The following FOXP1 variants were observed in gnomAD, a reference collection of about 807,000 sequenced individuals.
The protein encoded by FOXP1 is forkhead box protein P1.
FOXP1 carries 15 observed loss-of-function variants against 98.2 expected under a neutral mutation model. That is an observed-to-expected ratio of 0.15 (90% confidence interval 0.10 to 0.24). The LOEUF (loss-of-function observed/expected upper bound fraction) is 0.24. FOXP1 is among the 10% of genes least tolerant of loss of function. The probability of loss-of-function intolerance (pLI) is 1.00; values close to 1 mark genes in which losing one functional copy is unlikely to be tolerated. For synonymous variants in FOXP1, 371 were observed against 314.5 expected (o/e 1.18, Z -1.90); for missense variants, 633 against 848.5 (o/e 0.75, Z 3.15).
intron 7 of FOXP1, among the ~76,000 whole-genome samples, chr3:71,106,049 G>C (rs1398845664): frequency 6.6e-6 from 1 of 152,132 alleles, no homozygotes; most frequent in Non-Finnish European, 1.5e-5. Flanking sequence ...TAAAAAACCT[G>C]GCTTCCCATC....
At chr3:71,041,264 C>G (rs1365964935) in intron 11 of FOXP1, 64 bp downstream of exon 11, 1 of 1,341,964 alleles carries the variant, frequency 7.5e-7, no homozygotes, top group East Asian at 2.3e-5. Context: ...TATGACGAGG[C>G]AGGGCCACCC....
intron 6 of FOXP1, among the ~76,000 whole-genome samples, chr3:71,181,081 T>C (rs1357040799): frequency 6.6e-6 from 1 of 152,208 alleles, no homozygotes; most frequent in Non-Finnish European, 1.5e-5. Context: ...CTGAGTTCCA[T>C]TTATCGCCTC....
At chr3:71,109,956 A>G (rs1023222382) in intron 7 of FOXP1, among the ~76,000 whole-genome samples, 8 of 152,126 alleles carry the variant, frequency 5.3e-5, no homozygotes, top group African/African-American at 1.9e-4. Context: ...GGGGTAGGGG[A>G]AAAACTCAAG....
intron 5 of FOXP1, among the ~76,000 whole-genome samples, chr3:71,221,698 C>T (rs1444969903): frequency 2.6e-5 from 4 of 152,212 alleles, no homozygotes; most frequent in African/African-American, 9.7e-5. Flanking sequence ...CTGGGTTACT[C>T]TTCTATCCCT....
chr3:71,549,259 C>G (rs2045591853), intron 2 of FOXP1, among the ~76,000 whole-genome samples: 1 of 152,190 alleles, frequency 6.6e-6, no homozygotes, highest in South Asian at 2.1e-4. Flanking sequence ...TAACCTTCTC[C>G]CCTACCTAGT....
intron 4 of FOXP1, chr3:71,305,932 C>CG (rs537662896): frequency 0.01 from 1,556 of 152,610 alleles, 16 homozygotes; most frequent in Non-Finnish European, 0.016. Flanking sequence ...TTTCACACAA[C>CG]GGAAGAAAGT....
At chr3:71,271,641 C>T (rs1358108813) in intron 5 of FOXP1, among the ~76,000 whole-genome samples, 1 of 152,206 alleles carries the variant, frequency 6.6e-6, no homozygotes, top group African/African-American at 2.4e-5. Flanking sequence ...ACTGACGGAT[C>T]ACTGGTACAT....
intron 6 of FOXP1, among the ~76,000 whole-genome samples, chr3:71,135,456 G>C (rs970641774): frequency 6.6e-6 from 1 of 151,996 alleles, no homozygotes; most frequent in African/African-American, 2.4e-5. Context: ...TCCCAAAATA[G>C]TTCCCCTTTG....
At chr3:71,362,697 T>G (rs79603574) in intron 3 of FOXP1, among the ~76,000 whole-genome samples, 4,076 of 152,294 alleles carry the variant, frequency 0.027, 166 homozygotes, top group African/African-American at 0.092. Flanking sequence ...CTGAAACTCC[T>G]GGCCTCAAGC....
chr3:71,051,249 AC>A (rs2049846956), intron 9 of FOXP1, among the ~76,000 whole-genome samples: 1 of 151,988 alleles, frequency 6.6e-6, no homozygotes, highest in African/African-American at 2.4e-5. Flanking sequence ...TTATAGCAGC[AC>A]CCGGTAGAGC....
At chr3:71,407,070 A>G (rs983907046) in intron 3 of FOXP1, among the ~76,000 whole-genome samples, 1 of 152,178 alleles carries the variant, frequency 6.6e-6, no homozygotes, top group African/African-American at 2.4e-5. Flanking sequence ...GGATAGTCAC[A>G]GGAGAAATTT....
At chr3:70,980,093 A>C (rs1179800174) in intron 14 of FOXP1, among the ~76,000 whole-genome samples, 1 of 152,160 alleles carries the variant, frequency 6.6e-6, no homozygotes, top group Non-Finnish European at 1.5e-5. Context: ...TTTCTCTATA[A>C]TGTTGGAAAC....
chr3:71,500,978 G>C (rs1365578980), intron 2 of FOXP1, among the ~76,000 whole-genome samples: 2 of 152,142 alleles, frequency 1.3e-5, no homozygotes, highest in African/African-American at 4.8e-5. Flanking sequence ...GATTATCTGA[G>C]GTCAGGAATT....
chr3:71,521,104 C>T (rs377566070), intron 2 of FOXP1, among the ~76,000 whole-genome samples: 9 of 152,166 alleles, frequency 5.9e-5, no homozygotes, highest in Admixed American at 2.0e-4. Context: ...AAAGTCAAGG[C>T]TAGGTGGTGT....
At chr3:71,306,277 G>A (rs2074265106) in intron 4 of FOXP1, among the ~76,000 whole-genome samples, 2 of 152,128 alleles carry the variant, frequency 1.3e-5, no homozygotes, top group African/African-American at 4.8e-5. Context: ...GTATTCATTA[G>A]TAATTAAGAA....
intron 5 of FOXP1, among the ~76,000 whole-genome samples, chr3:71,219,167 T>G (rs1183554253): frequency 6.6e-6 from 1 of 152,226 alleles, no homozygotes; most frequent in Non-Finnish European, 1.5e-5. Context: ...TACCCTTGCC[T>G]GGGAGCATGC....
chr3:71,504,952 C>T (rs929965311), intron 2 of FOXP1, among the ~76,000 whole-genome samples: 3 of 152,154 alleles, frequency 2.0e-5, no homozygotes, highest in African/African-American at 4.8e-5. Flanking sequence ...AGCCTTATAA[C>T]GGTGGCAAGA....
Position 71,583,361 on chromosome 3 carries a change from G to T in FOXP1, c.-447+210C>A, listed in dbSNP as rs544588869. The T allele has an allele frequency of 2.1e-5, 16 of 774,088 alleles. No individual in the cohort carries two copies. The South Asian group carries it at 2.3e-4, about 11-fold the overall frequency. 48.0% of individuals were successfully genotyped at this position (774,088 alleles called of 1,614,324 possible). On this transcript the variant is annotated intron_variant, in intron 1 of 20. Transcript: ENST00000649528. ...ATCCCAGAGCTGGGCCTCGACCCGG[G>T]GGGGAGAGGAAGAGAGGGGAGGGCT...
At position 71,110,993 on chromosome 3, in the gene FOXP1, A is replaced by AT. The variant is rs543617841; in HGVS notation, c.282+1542dup. ...ACAAGGCAGATTGTCAACTTTTCCA[A>AT]TAAAGCGTCACTATAGTGCTGAACT... On this transcript the variant is annotated intron_variant, in intron 7 of 20. Coordinates refer to ENST00000649528, the MANE Select transcript of FOXP1 (RefSeq NM_001349338.3). 2.2e-4 allele frequency among the ~76,000 whole-genome samples: 33 copies of AT among 152,310 alleles called. No homozygotes were observed. In the South Asian group the frequency reaches 4.4e-3, roughly 20 times the overall value.
Sources: gnomAD v4.1 joint callset for allele counts (sites outside exome capture counted in the v4.1 genomes callset) on GRCh38, gnomAD v4.1.1 for gene constraint, MANE v1.5 for transcripts, NCBI Gene and HGNC (gene_info 2026-07-23, HGNC 2026-07-21) for gene names.